Variants in ISM1 observed in about 807,000 individuals in gnomAD.
ISM1 encodes the protein isthmin 1.
In ISM1, 25 loss-of-function variants were observed where a neutral mutation model predicts 46.3. The observed-to-expected ratio is 0.54, with a 90% CI of 0.39 to 0.75. ISM1 has a LOEUF of 0.75. ISM1 is among the 30% of genes least tolerant of loss of function. The pLI, the probability that ISM1 is intolerant of heterozygous loss-of-function variation, is 0.00. For missense variants in ISM1, 536 were observed against 625.4 expected (o/e 0.86, Z 1.52); for synonymous variants, 255 against 256.7 (o/e 0.99, Z 0.06).
intron 1 of ISM1, among the ~76,000 whole-genome samples, chr20:13,229,907 C>T (rs184133414): frequency 7.6e-4 from 116 of 152,264 alleles, no homozygotes; most frequent in Non-Finnish European, 1.3e-3. Flanking sequence ...CTTCTACCTC[C>T]TCCATAGAAT....
chr20:13,253,617 G>A (rs1037656351), intron 1 of ISM1, among the ~76,000 whole-genome samples: 1 of 152,064 alleles, frequency 6.6e-6, no homozygotes, highest in Admixed American at 6.5e-5. Flanking sequence ...CTGCTGCTGG[G>A]CCCCACCCCA....
At chr20:13,244,445 C>T (rs2039770473) in intron 1 of ISM1, 1 of 150,852 alleles carries the variant, frequency 6.6e-6, no homozygotes, top group African/African-American at 2.4e-5. Flanking sequence ...CTTATTCGGA[C>T]ATTACATGTC....
At chr20:13,279,603 C>T in intron 2 of ISM1, 31 bp from the exon 3 acceptor site, 12 of 1,593,656 alleles carry the variant, frequency 7.5e-6, no homozygotes, top group Non-Finnish European at 1.0e-5. Context: ...GTTGACTCCA[C>T]ACTGACCCCA....
Position 13,235,080 on chromosome 20 carries a change from T to C in ISM1, c.138+13166T>C, listed in dbSNP as rs76441196. Among the ~76,000 whole-genome samples the C allele has an allele frequency of 5.9e-5, 9 of 152,324 alleles. No individual in the cohort carries two copies. The East Asian group carries it at 1.7e-3, about 29-fold the overall frequency. ...CCTAATAATAATGCTGTAGGACAAC[T>C]ACTCCAAATCTCAACGGTCTGCAAT... On this transcript the variant is annotated intron_variant, in intron 1 of 5. Transcript: ENST00000262487.
intron 5 of ISM1, among the ~76,000 whole-genome samples, chr20:13,296,581 T>C (rs909704690): frequency 2.0e-5 from 3 of 151,910 alleles, no homozygotes; most frequent in Non-Finnish European, 2.9e-5. Context: ...CATGATCAGA[T>C]AGTAGATTGG....
chr20:13,247,532 GT>G (rs2039812842), intron 1 of ISM1, among the ~76,000 whole-genome samples: 1 of 140,706 alleles, frequency 7.1e-6, no homozygotes, highest in Admixed American at 6.9e-5. Context: ...GTGTGTGTGT[GT>G]GTGTGTGTGT....
intron 3 of ISM1, among the ~76,000 whole-genome samples, chr20:13,280,164 C>T (rs1203366394): frequency 6.6e-6 from 1 of 152,306 alleles, no homozygotes; most frequent in East Asian, 1.9e-4. Flanking sequence ...GGGGTTCTTT[C>T]TGCCTCCCCC....
chr20:13,309,177 C>T, the ISM1 span, among the ~76,000 whole-genome samples: 41 of 152,102 alleles, frequency 2.7e-4, no homozygotes, highest in South Asian at 8.3e-3. Flanking sequence ...AAATACTAAA[C>T]TATGCATGGG....
chr20:13,250,501 C>A (rs1320021916), intron 1 of ISM1, among the ~76,000 whole-genome samples: 2 of 152,164 alleles, frequency 1.3e-5, no homozygotes, highest in Non-Finnish European at 2.9e-5. Flanking sequence ...CATGGCAACA[C>A]AGTTAAGCAT....
chr20:13,295,658 G>A (rs1279906957), intron 5 of ISM1, among the ~76,000 whole-genome samples: 1 of 152,174 alleles, frequency 6.6e-6, no homozygotes, highest in Non-Finnish European at 1.5e-5. Context: ...AAGGCAGCAG[G>A]ACTAGGCAGG....
chr20:13,270,820 G>A, intron 2 of ISM1, 77 bp downstream of exon 2: 1 of 1,402,992 alleles, frequency 7.1e-7, no homozygotes, highest in Non-Finnish European at 9.8e-7. Flanking sequence ...AGTGGAAACT[G>A]CTGCCTTACC....
At chr20:13,309,787 T>A in the ISM1 span, among the ~76,000 whole-genome samples, 300 of 152,082 alleles carry the variant, frequency 2.0e-3, 3 homozygotes, top group African/African-American at 6.7e-3. Context: ...ATCAGCAATG[T>A]TTCTATAAGC....
intron 1 of ISM1, among the ~76,000 whole-genome samples, chr20:13,261,607 G>C (rs887611099): frequency 2.0e-5 from 3 of 152,118 alleles, no homozygotes; most frequent in African/African-American, 7.2e-5. Context: ...CCCAGACCCA[G>C]ACCTTGAAAC....
intron 1 of ISM1, among the ~76,000 whole-genome samples, chr20:13,238,500 C>G (rs1230977614): frequency 6.6e-6 from 1 of 152,074 alleles, no homozygotes; most frequent in Non-Finnish European, 1.5e-5. Flanking sequence ...ACATAGTTCC[C>G]CAATACCCAC....
At chr20:13,235,782 G>A (rs926439511) in intron 1 of ISM1, among the ~76,000 whole-genome samples, 9 of 152,090 alleles carry the variant, frequency 5.9e-5, no homozygotes, top group African/African-American at 2.2e-4. Context: ...CATCACTCAC[G>A]GGGCTTGGAC....
At chr20:13,321,685 T>A in the ISM1 span, among the ~76,000 whole-genome samples, 8 of 152,248 alleles carry the variant, frequency 5.3e-5, no homozygotes, top group Non-Finnish European at 1.2e-4. Flanking sequence ...GTGAAGCTGA[T>A]GAATGACTGC....
chr20:13,261,884 TC>T (rs2039993224), intron 1 of ISM1, among the ~76,000 whole-genome samples: 1 of 152,194 alleles, frequency 6.6e-6, no homozygotes, highest in Admixed American at 6.5e-5. Context: ...TTCCAGGTTC[TC>T]CCTCTCACCA....
intron 1 of ISM1, among the ~76,000 whole-genome samples, chr20:13,246,272 CA>C (rs34312426): frequency 0.39 from 47,611 of 120,844 alleles, 7,899 homozygotes; most frequent in African/African-American, 0.49. Context: ...GACTCCATCT[CA>C]AAAAAAAAAA....
the ISM1 span, among the ~76,000 whole-genome samples, chr20:13,315,778 G>T: frequency 2.6e-5 from 4 of 151,962 alleles, no homozygotes; most frequent in African/African-American, 9.6e-5. Context: ...AAATATAAAA[G>T]AATAGAAATC....
Sources: allele counts gnomAD v4.1 joint callset (sites outside exome capture counted in the v4.1 genomes callset), GRCh38; gene constraint gnomAD v4.1.1; transcripts MANE v1.5; gene names NCBI Gene and HGNC (gene_info 2026-07-23, HGNC 2026-07-21).